The following NIBAN1 variants were observed in gnomAD, a reference collection of about 807,000 sequenced individuals.
NIBAN1 encodes the protein protein Niban 1.
Under a neutral mutation model 75.1 loss-of-function variants are expected in NIBAN1, and 81 were observed. The ratio of observed to expected loss-of-function variants is 1.08; its 90% CI spans 0.90 to 1.30. NIBAN1 has a LOEUF of 1.30. Ranked by LOEUF, NIBAN1 falls within the 50% of genes most tolerant of loss-of-function variation. NIBAN1 has a pLI of 0.00. For synonymous variants in NIBAN1, 436 were observed against 424.8 expected, an observed-to-expected ratio of 1.03 and a Z score of -0.32; for missense variants, 1,133 against 1,128.1, an observed-to-expected ratio of 1.00 and a Z score of -0.06.
intron 3 of NIBAN1, 122 bp from the exon 4 acceptor site, chr1:184,890,344 A>C: frequency 1.4e-6 from 1 of 691,150 alleles, no homozygotes; most frequent in East Asian, 2.7e-5. Flanking sequence ...ATACTATGTT[A>C]TTGAGTTATA....
chr1:184,938,203 C>A (rs1238143165), intron 1 of NIBAN1, among the ~76,000 whole-genome samples: 1 of 152,078 alleles, frequency 6.6e-6, no homozygotes, highest in East Asian at 1.9e-4. Context: ...ATTAGGAGAT[C>A]AGTTACAATT....
At chr1:184,888,333 G>C (rs1446873265) in intron 4 of NIBAN1, among the ~76,000 whole-genome samples, 1 of 152,100 alleles carries the variant, frequency 6.6e-6, no homozygotes, top group African/African-American at 2.4e-5. Flanking sequence ...CTTCTTGACT[G>C]ACATGGTTCT....
chr1:184,797,578 TC>T (rs1653912698), intron 13 of NIBAN1, among the ~76,000 whole-genome samples: 2 of 150,978 alleles, frequency 1.3e-5, no homozygotes, highest in Admixed American at 6.6e-5. Context: ...CCTTTTTCTG[TC>T]TGGCTGAGTG....
chr1:184,796,563 T>C (rs987934144), intron 13 of NIBAN1, among the ~76,000 whole-genome samples: 5 of 152,210 alleles, frequency 3.3e-5, no homozygotes, highest in Non-Finnish European at 7.3e-5. Flanking sequence ...TACTCGGTAC[T>C]GCACATGCAG....
At chr1:184,828,925 T>C (rs1034628739) in intron 6 of NIBAN1, among the ~76,000 whole-genome samples, 2 of 152,110 alleles carry the variant, frequency 1.3e-5, no homozygotes, top group African/African-American at 2.4e-5. Context: ...GTTTCCCAAA[T>C]AGCTGGGACT....
chr1:184,917,414 A>G (rs182448137), intron 1 of NIBAN1, among the ~76,000 whole-genome samples: 1,263 of 122,846 alleles, frequency 0.01, 21 homozygotes, highest in African/African-American at 0.035. Flanking sequence ...GGGTTTCACC[A>G]TGTTAGCCAG....
chr1:184,832,401 C>A (rs1339341677), intron 5 of NIBAN1, among the ~76,000 whole-genome samples: 1 of 152,194 alleles, frequency 6.6e-6, no homozygotes, highest in Non-Finnish European at 1.5e-5. Context: ...GCTTTCAATA[C>A]AATATGCATC....
At chr1:184,820,624 G>A (rs566032330) in intron 8 of NIBAN1, among the ~76,000 whole-genome samples, 4 of 152,308 alleles carry the variant, frequency 2.6e-5, no homozygotes, top group Admixed American at 6.5e-5. Flanking sequence ...CAGAGATGCC[G>A]CTGTGATGCA....
chr1:184,806,762 CTTT>C (rs397863517), intron 10 of NIBAN1, among the ~76,000 whole-genome samples: 6 of 131,216 alleles, frequency 4.6e-5, no homozygotes, highest in Admixed American at 1.6e-4. Context: ...CAATATATAC[CTTT>C]TTTTTTTTTT....
intron 1 of NIBAN1, among the ~76,000 whole-genome samples, chr1:184,930,831 T>TACA (rs1657799022): frequency 2.6e-5 from 4 of 152,112 alleles, no homozygotes; most frequent in Non-Finnish European, 5.9e-5. Flanking sequence ...ACATTATGGT[T>TACA]TTATGACACA....
intron 9 of NIBAN1, among the ~76,000 whole-genome samples, chr1:184,815,969 G>A (rs1469959732): frequency 6.6e-6 from 1 of 152,142 alleles, no homozygotes; most frequent in Non-Finnish European, 1.5e-5. Flanking sequence ...AAATTCTCTT[G>A]TGAAAGTTAT....
At chr1:184,807,935 G>T in intron 10 of NIBAN1, 139 bp downstream of exon 10, 1 of 886,202 alleles carries the variant, frequency 1.1e-6, no homozygotes, top group Non-Finnish European at 1.8e-6. Flanking sequence ...GGGACAGAAC[G>T]TGTCCTCCCG....
At chr1:184,969,566 C>T (rs1658881746) in intron 1 of NIBAN1, among the ~76,000 whole-genome samples, 1 of 152,166 alleles carries the variant, frequency 6.6e-6, no homozygotes, top group Non-Finnish European at 1.5e-5. Flanking sequence ...AATCCCATGC[C>T]TACTATAATC....
chr1:184,937,823 A>C (rs1019178858), intron 1 of NIBAN1, among the ~76,000 whole-genome samples: 2 of 152,216 alleles, frequency 1.3e-5, no homozygotes, highest in Non-Finnish European at 2.9e-5. Flanking sequence ...GTGGAGACAA[A>C]GACCACCCAC....
intron 5 of NIBAN1, among the ~76,000 whole-genome samples, chr1:184,881,774 C>T (rs1656385469): frequency 6.6e-6 from 1 of 152,114 alleles, no homozygotes; most frequent in African/African-American, 2.4e-5. Flanking sequence ...TGTCATGGCA[C>T]TGGTGGGAGT....
chr1:184,857,587 T>C (rs1316482563), intron 5 of NIBAN1, among the ~76,000 whole-genome samples: 1 of 152,180 alleles, frequency 6.6e-6, no homozygotes, highest in Non-Finnish European at 1.5e-5. Flanking sequence ...AAAAGTATTA[T>C]ACGACTGAAT....
At chr1:184,969,897 G>A (rs894688703) in intron 1 of NIBAN1, among the ~76,000 whole-genome samples, 3 of 151,940 alleles carry the variant, frequency 2.0e-5, no homozygotes, top group Non-Finnish European at 4.4e-5. Flanking sequence ...TGGGCACAGA[G>A]GCTCATGCCT....
intron 8 of NIBAN1, among the ~76,000 whole-genome samples, chr1:184,819,065 G>A (rs1654621246): frequency 6.6e-6 from 1 of 152,048 alleles, no homozygotes; most frequent in African/African-American, 2.4e-5. Context: ...TCTGCCCTGG[G>A]ATAAAATGCA....
At chr1:184,862,289 A>G (rs1281132701) in intron 5 of NIBAN1, among the ~76,000 whole-genome samples, 1 of 149,718 alleles carries the variant, frequency 6.7e-6, no homozygotes, top group Non-Finnish European at 1.5e-5. Context: ...TCGATGCTCC[A>G]TTTCTCAACA....
Sources: gnomAD v4.1 joint callset for allele counts (sites outside exome capture counted in the v4.1 genomes callset) on GRCh38, gnomAD v4.1.1 for gene constraint, MANE v1.5 for transcripts, NCBI Gene and HGNC (gene_info 2026-07-23, HGNC 2026-07-21) for gene names.